Variants in KIF1A observed in about 807,000 individuals in gnomAD.
KIF1A encodes the protein kinesin-like protein KIF1A.
In KIF1A, 46 loss-of-function variants were observed where a neutral mutation model predicts 227.3. That is an observed-to-expected ratio of 0.20 (90% CI 0.16 to 0.26). KIF1A has a LOEUF of 0.26. KIF1A is among the 10% of genes least tolerant of loss of function. The probability of loss-of-function intolerance (pLI) is 1.00; values close to 1 mark genes in which losing one functional copy is unlikely to be tolerated. For missense variants in KIF1A, 1,683 were observed against 2,485.9 expected (o/e 0.68, Z 6.87); for synonymous variants, 1,022 against 1,012.8 (o/e 1.01, Z -0.17).
At position 240,716,488 on chromosome 2, in the gene KIF1A, C is replaced by T. The variant is rs929190287; in HGVS notation, c.*876G>A. ...GCACACTGGCAGGTGATCCCGACCC[C>T]GCTCCCTCCTGGTCCCCGCCCAGGA... On this transcript the variant is annotated 3_prime_UTR_variant, in exon 49 of 49. Transcript: ENST00000498729. The T allele has an allele frequency of 3.3e-5, 5 of 152,374 alleles. No individual in the cohort carries two copies. Among genetic ancestry groups the T allele is most frequent in the African/African-American group, 4.8e-5 (2 of 41,394 alleles). The allele number at this position is 152,374 out of a possible 1,614,324, so 9.4% of individuals were successfully genotyped here. A position where few individuals can be genotyped will look rare whatever the true frequency, so the allele number is the denominator to read the frequency against.
chr2:240,799,594 GA>G (rs2056777590), intron 1 of KIF1A, among the ~76,000 whole-genome samples: 1 of 152,216 alleles, frequency 6.6e-6, no homozygotes, highest in South Asian at 2.1e-4. Flanking sequence ...TGGACGGGGG[GA>G]TGACCTCTGA....
At chr2:240,721,593 C>G (rs954183091) in intron 44 of KIF1A, among the ~76,000 whole-genome samples, 1 of 152,184 alleles carries the variant, frequency 6.6e-6, no homozygotes, top group Non-Finnish European at 1.5e-5. Context: ...CAGGACCCAC[C>G]CGGCCCCTCA....
In KIF1A at chr2:240,746,191, G is replaced by T. The variant is rs1329755214; in HGVS notation, c.3064-14C>A. The T allele has an allele frequency of 6.4e-7, 1 of 1,556,264 alleles. No individual in the cohort carries two copies. Among genetic ancestry groups the T allele is most frequent in the Non-Finnish European group, 8.7e-7 (1 of 1,150,422 alleles). ...CTCGGACTGGAACTGATCAGAGGGGGACCAGAGTCAGAGAGAGCCAGGAGC... is the reference window on the plus strand; with the variant it reads ...CTCGGACTGGAACTGATCAGAGGGGTACCAGAGTCAGAGAGAGCCAGGAGC... On this transcript the variant is annotated splice_polypyrimidine_tract_variant and intron_variant, in intron 29 of 48. Transcript: ENST00000498729.
Position 240,745,800 on chromosome 2 carries a change from A to G in KIF1A, c.3312T>C (p.Arg1104=), listed in dbSNP as rs1210341549. 1.2e-6 allele frequency: 2 copies of G among 1,613,050 alleles called. No individual in the cohort carries two copies. Among genetic ancestry groups the G allele is most frequent in the Non-Finnish European group, 1.7e-6 (2 of 1,179,714 alleles). Residue 1104 remains arginine (R), a synonymous_variant, in exon 31 of 49, where the codon CGT becomes CGC. Coordinates refer to ENST00000498729, the MANE Select transcript of KIF1A (RefSeq NM_001244008.2). ...TGCTGGACGCCTGCAGGACTGTCAC[A>G]CGGAAGGTGAAGGTGTTGCCCAGGC... is the stretch of plus-strand genomic sequence containing the variant. ...HLRLGNTFTF[R]VTVLQASSIS...
At position 240,721,816 on chromosome 2, in the gene KIF1A, G is replaced by A. The variant is rs766419471; in HGVS notation, c.4734C>T (p.Ser1578=). 67 of 1,604,606 alleles carry A rather than the reference G, an allele frequency of 4.2e-5. No individual in the cohort carries two copies. The highest frequency in any genetic ancestry group is 1.4e-4 in the South Asian group (13 of 90,180). ...GCCCCTCTGCACCCACCTTGCTCTC[G>A]CTGGCACTGACGCAGACGTGGCTGT... ...YTHSHVCVSA[S]ESKLSEMSVT... The change falls in exon 44 of 49, where the codon AGC becomes AGT. Residue 1578 remains serine, a synonymous_variant. Coordinates refer to ENST00000498729, the MANE Select transcript of KIF1A (RefSeq NM_001244008.2).
At chr2:240,807,871 T>C (rs2057557153) in intron 1 of KIF1A, among the ~76,000 whole-genome samples, 1 of 152,212 alleles carries the variant, frequency 6.6e-6, no homozygotes, top group Non-Finnish European at 1.5e-5. Flanking sequence ...GGATAGCTAT[T>C]ATTATAATTT....
intron 1 of KIF1A, among the ~76,000 whole-genome samples, chr2:240,807,535 G>T (rs139014905): frequency 6.6e-6 from 1 of 152,176 alleles, no homozygotes; most frequent in African/African-American, 2.4e-5. Context: ...ATACTGTATT[G>T]TCCAGGTAAT....
At chr2:240,782,653 G>GGC in intron 9 of KIF1A, 46 bp from the exon 10 acceptor site, 2 of 1,548,792 alleles carry the variant, frequency 1.3e-6, no homozygotes, top group Non-Finnish European at 1.7e-6. Flanking sequence ...GAGCGAAGCT[G>GGC]GCGCGGGCTG....
chr2:240,811,325 A>G (rs2057847216), intron 1 of KIF1A, among the ~76,000 whole-genome samples: 1 of 152,216 alleles, frequency 6.6e-6, no homozygotes. Context: ...AGATTGCGCC[A>G]CTGCACTCCA....
chr2:240,769,562 C>T, intron 16 of KIF1A, 65 bp downstream of exon 16: 2 of 1,391,020 alleles, frequency 1.4e-6, no homozygotes, highest in Non-Finnish European at 2.0e-6. Context: ...AGTGCTCATC[C>T]TGCCCAGGCT....
At chr2:240,723,832 G>A (rs2045683816) in intron 41 of KIF1A, 143 bp downstream of exon 41, 1 of 835,112 alleles carries the variant, frequency 1.2e-6, no homozygotes, top group Admixed American at 2.1e-5. Context: ...TCCCATCTCA[G>A]AACAACTCCA....
At chr2:240,731,926 A>AG (rs1324165798) in intron 38 of KIF1A, among the ~76,000 whole-genome samples, 4 of 29,530 alleles carry the variant, frequency 1.4e-4, no homozygotes, top group African/African-American at 3.0e-4. Flanking sequence ...GGAGGGGAGG[A>AG]GGGATGAGGG....
At position 240,775,975 on chromosome 2, in the gene KIF1A, A is replaced by T; in HGVS notation, c.883-49T>A. On this transcript the variant is annotated intron_variant, in intron 10 of 48. Transcript: ENST00000498729. This position sits in a 1 kb window ranked among gnomAD's most constrained non-coding sequence, Gnocchi z 5.5. ...TCAAGCCCGAGCCCACTGCAGAGGA[A>T]GCGAAAGGGAGGGGCCAGCGCAGGC... 7.7e-7 allele frequency: 1 copy of T among 1,298,198 alleles called. No individual in the cohort carries two copies. Among genetic ancestry groups the T allele is most frequent in the African/African-American group, 1.5e-5 (1 of 68,810 alleles). The allele number at this position is 1,298,198 out of a possible 1,614,324, so 80.4% of individuals were successfully genotyped here.
intron 1 of KIF1A, among the ~76,000 whole-genome samples, chr2:240,810,807 C>T (rs1033043504): frequency 6.6e-6 from 1 of 152,162 alleles, no homozygotes; most frequent in Non-Finnish European, 1.5e-5. Flanking sequence ...GGCCTGGACG[C>T]CACCAAGGCC....
rs1271298297 is a variant in KIF1A at position 240,778,903 on chromosome 2, TCCACACACTTC to T, written c.883-2988_883-2978del. ...CCCCAATGCGGGTGCACACACACTT[TCCACACACTTC>T]CTCAGGCCATTCGCCCGTGTGCACC... On this transcript the variant is annotated intron_variant, in intron 10 of 48. Transcript: ENST00000498729. This position sits in a 1 kb window ranked among gnomAD's most constrained non-coding sequence, Gnocchi z 7.2. Among the ~76,000 whole-genome samples, 1 of 151,698 alleles carries T rather than the reference TCCACACACTTC, an allele frequency of 6.6e-6. No homozygotes were observed. The highest frequency in any genetic ancestry group is 1.5e-5 in the Non-Finnish European group (1 of 67,966).
rs2048573340 is a variant in KIF1A, at chr2:240,746,163, A to G, written c.3078T>C (p.Ser1026=). 1 of 1,564,580 alleles carries G rather than the reference A, an allele frequency of 6.4e-7. No individual in the cohort carries two copies. Among genetic ancestry groups the G allele is most frequent in the South Asian group, 1.2e-5 (1 of 84,910 alleles). ...AGCGGGACATCCCCACCACGGGGCA[A>G]GACTCGGACTGGAACTGATCAGAGG... ...DQHFEKFQSE[S]CPVVGMSRSG... The change falls in exon 30 of 49, where the codon TCT becomes TCC. Residue 1026 remains serine (S), a synonymous_variant. Transcript: ENST00000498729.
Position 240,769,173 on chromosome 2 carries a change from C to T in KIF1A, c.1457G>A (p.Arg486Lys), listed in dbSNP as rs1207188346. 6.2e-7 allele frequency: 1 copy of T among 1,611,162 alleles called. No individual in the cohort carries two copies. Among genetic ancestry groups the T allele is most frequent in the Non-Finnish European group, 8.5e-7 (1 of 1,179,008 alleles). ...ALLAEMGVAM[R>K]EDGGTLGVFS... ...TACGCCCAAGGTGCCGCCATCCTCC[C>T]TCATGGCCACACCCATCTCGGCCAG... The change falls in exon 17 of 49, where the codon AGG (arginine) becomes AAG (lysine). Residue 486 changes from arginine to lysine, a missense_variant. Around this residue, in one of 12 missense-constraint regions of KIF1A, gnomAD observed 217 missense variants for 427.0 expected, o/e 0.51. Coordinates refer to ENST00000498729, the MANE Select transcript of KIF1A (RefSeq NM_001244008.2).
At position 240,716,898 on chromosome 2, in the gene KIF1A, GA is replaced by G. The variant is rs1373039125; in HGVS notation, c.*465del. 6.5e-6 allele frequency: 1 copy of G among 153,746 alleles called. No individual in the cohort carries two copies. Among genetic ancestry groups the G allele is most frequent in the Non-Finnish European group, 1.4e-5 (1 of 68,976 alleles). The allele number at this position is 153,746 out of a possible 1,614,324, so 9.5% of individuals were successfully genotyped here. On this transcript the variant is annotated 3_prime_UTR_variant, in exon 49 of 49. Coordinates refer to ENST00000498729, the MANE Select transcript of KIF1A (RefSeq NM_001244008.2). Reference sequence around the variant, plus strand: ...TAGCAGGCTTGGGAGACACATGTGGGAACAAACAGGGTGGAGGTGGTTGGGG... The same window carrying G: ...TAGCAGGCTTGGGAGACACATGTGGGACAAACAGGGTGGAGGTGGTTGGGG...
intron 17 of KIF1A, 125 bp from the exon 18 acceptor site, chr2:240,767,470 G>A (rs1240549561): frequency 5.4e-6 from 4 of 743,688 alleles, no homozygotes; most frequent in African/African-American, 3.4e-5. Context: ...GCACTTGGCT[G>A]GTGCCACCAG....
Sources: gnomAD v4.1 joint callset for allele counts (sites outside exome capture counted in the v4.1 genomes callset) on GRCh38, gnomAD v4.1.1 for gene constraint, gnomAD v4.1.1 regional missense constraint, Gnocchi (gnomAD v3.1) non-coding constraint, MANE v1.5 for transcripts, NCBI Gene and HGNC (gene_info 2026-07-23, HGNC 2026-07-21) for gene names.